BICC1: variants seen among roughly 807,000 people sequenced by gnomAD.
The protein encoded by BICC1 is BicC family RNA binding protein 1, also known as protein bicaudal C homolog 1.
A neutral mutation model predicts 111.0 loss-of-function variants in BICC1; 43 were observed. The ratio of observed to expected loss-of-function variants is 0.39; its 90% confidence interval spans 0.30 to 0.50. The LOEUF (loss-of-function observed/expected upper bound fraction) is 0.50, where lower values mean the gene tolerates loss of function less well. BICC1 is among the 20% of genes least tolerant of loss of function. The pLI is 0.88. For synonymous variants in BICC1, 467 were observed against 434.4 expected (o/e 1.07, Z -0.93); for missense variants, 1,091 against 1,203.2 (o/e 0.91, Z 1.38).
At chr10:58,599,203 A>G (rs1447598214) in intron 1 of BICC1, among the ~76,000 whole-genome samples, 1 of 152,194 alleles carries the variant, frequency 6.6e-6, no homozygotes, top group Non-Finnish European at 1.5e-5. Context: ...ATGCACACAT[A>G]TGTTTATTGT....
At chr10:58,665,071 C>T (rs1201734505) in intron 2 of BICC1, among the ~76,000 whole-genome samples, 3 of 152,088 alleles carry the variant, frequency 2.0e-5, no homozygotes, top group Admixed American at 1.3e-4. Flanking sequence ...GTTATTGCCA[C>T]TTCCCCAGTA....
Position 58,789,461 on chromosome 10 carries a change from A to G in BICC1, c.795+5A>G, listed in dbSNP as rs1422859513. 12 of 1,606,944 alleles carry G rather than the reference A, an allele frequency of 7.5e-6. No homozygotes were observed. The highest frequency in any genetic ancestry group is 9.4e-6 in the Non-Finnish European group (11 of 1,175,498). On this transcript the variant is annotated splice_donor_5th_base_variant and intron_variant, in intron 7 of 20. Transcript: ENST00000373886. ...AATAACACTAGTGCTGTGAAGGTAA[A>G]TTATTCAGATAATTCTGCACATCCT... is the stretch of plus-strand genomic sequence containing the variant.
intron 1 of BICC1, among the ~76,000 whole-genome samples, chr10:58,592,875 C>CAAAA (rs969508229): frequency 6.4e-5 from 3 of 46,646 alleles, no homozygotes; most frequent in South Asian, 1.0e-3. Context: ...GACTCCGTCT[C>CAAAA]AAAAAAAAAA....
chr10:58,596,586 G>A (rs1439118391), intron 1 of BICC1, among the ~76,000 whole-genome samples: 9 of 152,052 alleles, frequency 5.9e-5, no homozygotes, highest in South Asian at 2.1e-4. Flanking sequence ...GAAATAAAGC[G>A]TATTCAAATA....
rs1845781797 is a variant in BICC1 at position 58,620,891 on chromosome 10, T to G, written c.227T>G (p.Phe76Cys). Reference protein sequence around the residue: ...AEGKGRSGEDFFQKIMEETNT... With the variant: ...AEGKGRSGEDCFQKIMEETNT... ...GGGAAAGGCAGAAGTGGGGAAGACT[T>G]TTTTCAAAAGGTAAGTTGTCTTTTA... The change falls in exon 2 of 21, where the codon TTT becomes TGT. Residue 76 changes from phenylalanine to cysteine, a missense_variant. Phe to Cys is a radical substitution (Grantham distance 205). This residue lies in a region of BICC1 where 843 missense variants were observed against 900.8 expected (regional missense o/e 0.94). Coordinates refer to ENST00000373886, the MANE Select transcript of BICC1 (RefSeq NM_001080512.3). 4 of 1,613,396 alleles carry G rather than the reference T, an allele frequency of 2.5e-6. No homozygotes were observed. Among genetic ancestry groups the G allele is most frequent in the Non-Finnish European group, 2.5e-6 (3 of 1,179,740 alleles).
chr10:58,757,959 C>A (rs1842191265), intron 3 of BICC1, among the ~76,000 whole-genome samples: 1 of 152,150 alleles, frequency 6.6e-6, no homozygotes, highest in South Asian at 2.1e-4. Context: ...ATCTCAGAAA[C>A]AACCCATAGG....
At chr10:58,822,370 T>C (rs1038175930) in intron 20 of BICC1, among the ~76,000 whole-genome samples, 8 of 152,178 alleles carry the variant, frequency 5.3e-5, no homozygotes, top group African/African-American at 1.9e-4. Flanking sequence ...AGGTTGTAGA[T>C]AGATCATCAA....
At chr10:58,583,827 T>C (rs1844355059) in intron 1 of BICC1, among the ~76,000 whole-genome samples, 1 of 152,108 alleles carries the variant, frequency 6.6e-6, no homozygotes, top group Admixed American at 6.5e-5. Flanking sequence ...GATCTACTTT[T>C]AGATCTTAAG....
intron 8 of BICC1, among the ~76,000 whole-genome samples, chr10:58,792,338 A>G (rs1843207904): frequency 6.6e-6 from 1 of 152,198 alleles, no homozygotes; most frequent in African/African-American, 2.4e-5. Flanking sequence ...GGAAAGGTTT[A>G]AACTGCATTA....
intron 2 of BICC1, among the ~76,000 whole-genome samples, chr10:58,634,079 C>T (rs1312791332): frequency 2.0e-5 from 3 of 151,058 alleles, no homozygotes; most frequent in East Asian, 1.9e-4. Context: ...ACTGCAACCT[C>T]CACCTCCCAG....
intron 1 of BICC1, among the ~76,000 whole-genome samples, chr10:58,612,462 T>C (rs1845459157): frequency 6.6e-6 from 1 of 152,226 alleles, no homozygotes; most frequent in Non-Finnish European, 1.5e-5. Flanking sequence ...ATGGATTAAA[T>C]TGATACAATA....
intron 2 of BICC1, among the ~76,000 whole-genome samples, chr10:58,696,702 A>G (rs1840074715): frequency 6.6e-6 from 1 of 152,230 alleles, no homozygotes; most frequent in South Asian, 2.1e-4. Context: ...GGATGTCCGG[A>G]AGTTGAAACT....
intron 3 of BICC1, among the ~76,000 whole-genome samples, chr10:58,759,112 A>G (rs894762779): frequency 6.6e-6 from 1 of 151,884 alleles, no homozygotes; most frequent in Non-Finnish European, 1.5e-5. Context: ...GGTGTGTGCC[A>G]CCACACCCAG....
At chr10:58,818,679 G>T (rs942706471) in intron 19 of BICC1, among the ~76,000 whole-genome samples, 1 of 151,782 alleles carries the variant, frequency 6.6e-6, no homozygotes, top group African/African-American at 2.4e-5. Context: ...AAATTTCAGG[G>T]TATTGATTTT....
At chr10:58,522,232 G>A (rs1008280617) in intron 1 of BICC1, among the ~76,000 whole-genome samples, 1 of 151,746 alleles carries the variant, frequency 6.6e-6, no homozygotes, top group African/African-American at 2.4e-5. Context: ...CATTAAGTTA[G>A]GCATAATAGA....
intron 19 of BICC1, among the ~76,000 whole-genome samples, chr10:58,819,540 T>C (rs1488680277): frequency 6.6e-6 from 1 of 152,176 alleles, no homozygotes; most frequent in Non-Finnish European, 1.5e-5. Flanking sequence ...GAAGATTCAT[T>C]TAGCAACTTT....
intron 3 of BICC1, among the ~76,000 whole-genome samples, chr10:58,708,839 A>G (rs1317876996): frequency 6.6e-6 from 1 of 152,174 alleles, no homozygotes; most frequent in Non-Finnish European, 1.5e-5. Flanking sequence ...TCACCCATGC[A>G]AGCTTCCAGC....
At chr10:58,742,066 A>G (rs2132608170) in intron 3 of BICC1, among the ~76,000 whole-genome samples, 1 of 152,356 alleles carries the variant, frequency 6.6e-6, no homozygotes, top group African/African-American at 2.4e-5. Flanking sequence ...TTTTTCTGTT[A>G]TAAAATTGGC....
At chr10:58,619,885 C>A (rs1222385832) in intron 1 of BICC1, among the ~76,000 whole-genome samples, 1 of 152,192 alleles carries the variant, frequency 6.6e-6, no homozygotes, top group Non-Finnish European at 1.5e-5. Context: ...CACACATATG[C>A]ACTTCTGCAC....
Sources: gnomAD v4.1 joint callset for allele counts (sites outside exome capture counted in the v4.1 genomes callset) on GRCh38, gnomAD v4.1.1 for gene constraint, gnomAD v4.1.1 regional missense constraint, MANE v1.5 for transcripts, NCBI Gene and HGNC (gene_info 2026-07-23, HGNC 2026-07-21) for gene names.